Variants in PCDHGA1 observed in about 807,000 individuals in gnomAD.
PCDHGA1 encodes protocadherin gamma subfamily A, 1, also known as protocadherin gamma-A1.
Under a neutral mutation model 58.0 loss-of-function variants are expected in PCDHGA1, and 32 were observed. The observed-to-expected ratio is 0.55, with a 90% CI of 0.42 to 0.74. PCDHGA1 has a LOEUF of 0.74. PCDHGA1 is among the 30% of genes least tolerant of loss of function. PCDHGA1 has a pLI of 0.00. For missense variants in PCDHGA1, 1,205 were observed against 1,182.3 expected (o/e 1.02, Z -0.28); for synonymous variants, 498 against 501.1 (o/e 0.99, Z 0.08).
At chr5:141,433,343 G>A (rs1591274674) in intron 1 of PCDHGA1, 1 of 630,308 alleles carries the variant, frequency 1.6e-6, no homozygotes, top group Admixed American at 3.0e-5. Flanking sequence ...ACAGGTGCAA[G>A]CCACCTACTG....
chr5:141,366,218 C>T (rs1366831646), intron 1 of PCDHGA1: 3 of 1,613,704 alleles, frequency 1.9e-6, no homozygotes, highest in African/African-American at 1.3e-5. Context: ...GCGCACAGCG[C>T]GAGCCCTGCT....
intron 1 of PCDHGA1, chr5:141,384,126 C>T (rs749225079): frequency 1.9e-6 from 3 of 1,610,938 alleles, no homozygotes; most frequent in Non-Finnish European, 2.5e-6. Context: ...CAACCAAAAA[C>T]TTGGACCGGG....
intron 1 of PCDHGA1, chr5:141,395,078 G>A: frequency 1.2e-6 from 2 of 1,614,126 alleles, no homozygotes; most frequent in Non-Finnish European, 1.7e-6. Flanking sequence ...CCTATTCCCA[G>A]GAAGTCTCCC....
intron 1 of PCDHGA1, chr5:141,344,369 T>A: frequency 6.2e-7 from 1 of 1,613,586 alleles, no homozygotes; most frequent in Non-Finnish European, 8.5e-7. Flanking sequence ...TGGTTGAGGA[T>A]AAATTGAAAA....
chr5:141,421,736 G>A lies in PCDHGA1; in HGVS notation c.2422-73071G>A, dbSNP rs767237323. 5.3e-5 allele frequency: 86 copies of A among 1,613,810 alleles called. No individual in the cohort carries two copies. The highest frequency in any genetic ancestry group is 6.9e-5 in the Non-Finnish European group (82 of 1,179,858). Reference sequence around the variant, plus strand: ...GATGTGGGCGTGAACTCCCTCCAGAGCTACCAGCTCAGCCCTAATAATTAC... The same window carrying A: ...GATGTGGGCGTGAACTCCCTCCAGAACTACCAGCTCAGCCCTAATAATTAC... On this transcript the variant is annotated intron_variant, in intron 1 of 3. Transcript: ENST00000517417.
intron 1 of PCDHGA1, chr5:141,399,935 A>G (rs2093920920): frequency 1.9e-6 from 3 of 1,612,300 alleles, no homozygotes; most frequent in Non-Finnish European, 2.5e-6. Context: ...CTGTCCTACC[A>G]CGTGCTGCAG....
In PCDHGA1 at chr5:141,343,791, A is replaced by T. The variant is rs1561486713; in HGVS notation, c.2421+10686A>T. On this transcript the variant is annotated intron_variant, in intron 1 of 3. Coordinates refer to ENST00000517417, the MANE Select transcript of PCDHGA1 (RefSeq NM_018912.3). ...GTTAGGCCTCTTAGTGTCGCTGTTG[A>T]CCACTCAAGAAGGAGAACGCAGCTG... 5 of 432,836 alleles carry T rather than the reference A, an allele frequency of 1.2e-5. No homozygotes were observed. In the East Asian group the frequency reaches 1.8e-4, roughly 16 times the overall value. 26.8% of individuals were successfully genotyped at this position (432,836 alleles called of 1,614,324 possible).
intron 1 of PCDHGA1, among the ~76,000 whole-genome samples, chr5:141,358,475 A>T (rs1760927848): frequency 6.6e-6 from 1 of 152,214 alleles, no homozygotes; most frequent in Admixed American, 6.5e-5. Flanking sequence ...TTGTGAGTTT[A>T]ACTTTTAGAT....
chr5:141,380,502 T>C (rs932449846), intron 1 of PCDHGA1, among the ~76,000 whole-genome samples: 2 of 152,190 alleles, frequency 1.3e-5, no homozygotes, highest in Admixed American at 1.3e-4. Flanking sequence ...AACAATAATA[T>C]ACACTCTTTA....
chr5:141,356,183 G>A lies in PCDHGA1; in HGVS notation c.2421+23078G>A, dbSNP rs368314579. 5.8e-5 allele frequency: 94 copies of A among 1,611,184 alleles called. No homozygotes were observed. Among genetic ancestry groups the A allele is most frequent in the Non-Finnish European group, 7.6e-5 (89 of 1,178,602 alleles). On this transcript the variant is annotated intron_variant, in intron 1 of 3. Transcript: ENST00000517417. The stretch of plus-strand genomic sequence containing the variant: ...GAAGCCCATGATGGGCCTGGTCTCC[G>A]AGCTAGAAGCAAGGTACTGGTGACA...
intron 1 of PCDHGA1, among the ~76,000 whole-genome samples, chr5:141,369,779 C>G (rs2149951458): frequency 6.6e-6 from 1 of 152,242 alleles, no homozygotes; most frequent in South Asian, 2.1e-4. Flanking sequence ...TATTTCAAGC[C>G]TCTTTATACT....
In PCDHGA1 at chr5:141,490,410, T is replaced by C. The variant is rs2099699827; in HGVS notation, c.2422-4397T>C. ...ATGGTGAAGTGAGCCTTGATATCTC[T>C]CCGGACCTGCCATTTCAGATTAAGC... On this transcript the variant is annotated intron_variant, in intron 1 of 3. Coordinates refer to ENST00000517417, the MANE Select transcript of PCDHGA1 (RefSeq NM_018912.3). The surrounding 1 kb of genome is among the most constrained non-coding windows in gnomAD (Gnocchi z 5.4). 1 of 1,614,172 alleles carries C rather than the reference T, an allele frequency of 6.2e-7. No individual in the cohort carries two copies. Among genetic ancestry groups the C allele is most frequent in the Non-Finnish European group, 8.5e-7 (1 of 1,180,042 alleles).
At chr5:141,371,741 T>TC (rs1767992847) in intron 1 of PCDHGA1, 2 of 1,614,004 alleles carry the variant, frequency 1.2e-6, no homozygotes, top group South Asian at 2.2e-5. Context: ...ACGACAACGT[T>TC]CCCGTTTTCC....
intron 1 of PCDHGA1, among the ~76,000 whole-genome samples, chr5:141,481,886 C>T (rs575190135): frequency 6.9e-6 from 1 of 145,360 alleles, no homozygotes; most frequent in South Asian, 2.2e-4. Context: ...TGCACTCCAG[C>T]CTGGGTGAAA....
At chr5:141,350,627 A>G (rs753947991) in intron 1 of PCDHGA1, 17 of 1,613,938 alleles carry the variant, frequency 1.1e-5, no homozygotes, top group South Asian at 4.4e-5. Context: ...AATCCAAGAT[A>G]TTAATGACAA....
At chr5:141,366,150 G>C in intron 1 of PCDHGA1, 2 of 1,614,136 alleles carry the variant, frequency 1.2e-6, no homozygotes, top group Non-Finnish European at 1.7e-6. Context: ...CTGTCCTACC[G>C]CCTGCTTAAG....
chr5:141,453,784 G>T (rs767312144), intron 1 of PCDHGA1, among the ~76,000 whole-genome samples: 47 of 152,298 alleles, frequency 3.1e-4, no homozygotes, highest in Non-Finnish European at 5.6e-4. Flanking sequence ...AGTTACCATG[G>T]TATATTAACT....
chr5:141,351,146 G>T, intron 1 of PCDHGA1: 1 of 1,613,958 alleles, frequency 6.2e-7, no homozygotes, highest in South Asian at 1.1e-5. Flanking sequence ...AAATACTGGC[G>T]ACATCACAAC....
intron 2 of PCDHGA1, among the ~76,000 whole-genome samples, chr5:141,500,023 G>C (rs1393994881): frequency 1.3e-5 from 2 of 151,754 alleles, no homozygotes; most frequent in Admixed American, 6.6e-5. Flanking sequence ...TTTTATATTT[G>C]AGTGAGTGTC....
Sources: gnomAD v4.1 joint callset for allele counts (sites outside exome capture counted in the v4.1 genomes callset) on GRCh38, gnomAD v4.1.1 for gene constraint, Gnocchi (gnomAD v3.1) non-coding constraint, MANE v1.5 for transcripts, NCBI Gene and HGNC (gene_info 2026-07-23, HGNC 2026-07-21) for gene names.